The following UBR7 variants were observed in gnomAD, a reference collection of about 807,000 sequenced individuals.
UBR7 encodes the protein ubiquitin protein ligase E3 component n-recognin 7, also known as putative E3 ubiquitin-protein ligase UBR7.
In UBR7, 22 loss-of-function variants were observed where a neutral mutation model predicts 57.0. That is an observed-to-expected ratio of 0.39 (90% confidence interval 0.28 to 0.55). The LOEUF is 0.55. Among genes scored for constraint, UBR7 ranks in the 20% least tolerant of loss-of-function variants. The pLI is 0.69. For missense variants in UBR7, 395 were observed against 513.2 expected, an observed-to-expected ratio of 0.77 and a Z score of 2.23; for synonymous variants, 167 against 179.8, an observed-to-expected ratio of 0.93 and a Z score of 0.57.
At chr14:93,221,093 A>G (rs988104904) in intron 9 of UBR7, among the ~76,000 whole-genome samples, 2 of 148,210 alleles carry the variant, frequency 1.3e-5, no homozygotes, top group Non-Finnish European at 3.0e-5. Context: ...CCACAGACGC[A>G]TGCCACTGCG....
At chr14:93,223,835 G>A (rs1340248564) in intron 10 of UBR7, 2 of 749,426 alleles carry the variant, frequency 2.7e-6, no homozygotes, top group Non-Finnish European at 4.9e-6. Flanking sequence ...GCCCGCGGTG[G>A]TCAGGTCCCG....
chr14:93,213,318 T>TG (rs1894525509), intron 4 of UBR7, among the ~76,000 whole-genome samples: 1 of 151,934 alleles, frequency 6.6e-6, no homozygotes, highest in Non-Finnish European at 1.5e-5. Flanking sequence ...TTTTTTCATT[T>TG]TTTTTTTCAG....
In UBR7 at chr14:93,228,005, C is replaced by A. The variant is rs989991659; in HGVS notation, c.*970C>A. 2 of 698,762 alleles carry A rather than the reference C, an allele frequency of 2.9e-6. No homozygotes were observed. The highest frequency in any genetic ancestry group is 5.2e-6 in the Non-Finnish European group (2 of 384,198). The allele number at this position is 698,762 out of a possible 1,614,324, so 43.3% of individuals were successfully genotyped here. A position where few individuals can be genotyped will look rare whatever the true frequency, so the allele number is the denominator to read the frequency against. ...ACCCCAATAAATTATTATTTTTCCC[C>A]CTTGAATCTGCTAAAGAAAACAGAT... On this transcript the variant is annotated 3_prime_UTR_variant, in exon 11 of 11. Transcript: ENST00000013070.
intron 7 of UBR7, 57 bp downstream of exon 7, chr14:93,218,792 A>C: frequency 6.4e-7 from 1 of 1,564,548 alleles, no homozygotes; most frequent in Non-Finnish European, 8.7e-7. Context: ...GCGGTGGCTC[A>C]TGCCCATAAT....
At position 93,222,308 on chromosome 14, in the gene UBR7, T is replaced by C. The variant is rs1248307467; in HGVS notation, c.1124-5T>C. On this transcript the variant is annotated splice_region_variant and splice_polypyrimidine_tract_variant and intron_variant, in intron 9 of 10. Coordinates refer to ENST00000013070, the MANE Select transcript of UBR7 (RefSeq NM_175748.4). Reference sequence around the variant, plus strand: ...AACTTAAATACTTTTGTGGTTTTGATTTAGAATACAATGATTTGAAGACTG... The same window carrying C: ...AACTTAAATACTTTTGTGGTTTTGACTTAGAATACAATGATTTGAAGACTG... 1 of 1,600,794 alleles carries C rather than the reference T, an allele frequency of 6.2e-7. No individual in the cohort carries two copies. The highest frequency in any genetic ancestry group is 8.6e-7 in the Non-Finnish European group (1 of 1,167,890).
chr14:93,215,295 T>A lies in UBR7; in HGVS notation c.601+14T>A. 6.4e-7 allele frequency: 1 copy of A among 1,559,372 alleles called. No homozygotes were observed. Among genetic ancestry groups the A allele is most frequent in the Non-Finnish European group, 8.7e-7 (1 of 1,149,008 alleles). Reference sequence around the variant, plus strand: ...CACAATTGGCAGGTAGGTATCTTTGTGAAGTTGGTGTGCCACAAACTTGTG... The same window carrying A: ...CACAATTGGCAGGTAGGTATCTTTGAGAAGTTGGTGTGCCACAAACTTGTG... On this transcript the variant is annotated intron_variant, in intron 6 of 10. Coordinates refer to ENST00000013070, the MANE Select transcript of UBR7 (RefSeq NM_175748.4).
intron 2 of UBR7, 57 bp downstream of exon 2, chr14:93,210,014 T>C: frequency 6.3e-7 from 1 of 1,588,398 alleles, no homozygotes; most frequent in East Asian, 2.2e-5. Flanking sequence ...TTCTTTCCCA[T>C]CTACACTTTT....
chr14:93,215,070 A>G (rs1027053370), intron 5 of UBR7, 88 bp downstream of exon 5: 2 of 1,423,238 alleles, frequency 1.4e-6, no homozygotes, highest in African/African-American at 2.8e-5. Flanking sequence ...TTCTAAAAAT[A>G]AATTCTAATG....
Position 93,220,343 on chromosome 14 carries a change from A to G in UBR7, c.1055A>G (p.Asp352Gly). ...AAAGGGAAGATTGCCCAGGCCACTGACAGGAGCGATCCCCTAATGGATACC... is the reference window on the plus strand; with the variant it reads ...AAAGGGAAGATTGCCCAGGCCACTGGCAGGAGCGATCCCCTAATGGATACC... ...ENKGKIAQAT[D>G]RSDPLMDTLS... The change falls in exon 9 of 11, where the codon GAC (aspartate) becomes GGC (glycine). Residue 352 changes from aspartate (D) to glycine (G), a missense_variant. Coordinates refer to ENST00000013070, the MANE Select transcript of UBR7 (RefSeq NM_175748.4). The G allele has an allele frequency of 6.2e-7, 1 of 1,613,744 alleles. No homozygotes were observed. The highest frequency in any genetic ancestry group is 8.5e-7 in the Non-Finnish European group (1 of 1,179,950).
chr14:93,210,326 G>C (rs570426498), intron 2 of UBR7, among the ~76,000 whole-genome samples: 1 of 151,882 alleles, frequency 6.6e-6, no homozygotes, highest in African/African-American at 2.4e-5. Context: ...CTCGTGATCC[G>C]CCCGCCTCAG....
chr14:93,208,982 G>A lies in UBR7; in HGVS notation c.151-842G>A, dbSNP rs114069041. 9.0e-3 allele frequency among the ~76,000 whole-genome samples: 1,365 copies of A among 152,118 alleles called. 22 individuals carry two copies. The highest frequency in any genetic ancestry group is 0.031 in the African/African-American group (1,294 of 41,486). Reference sequence around the variant, plus strand: ...CCAGCTAATTTTTGTATTTTTAGTGGATGGGGTGTTCTAGAGATGAGGTTT... The same window carrying A: ...CCAGCTAATTTTTGTATTTTTAGTGAATGGGGTGTTCTAGAGATGAGGTTT... On this transcript the variant is annotated intron_variant, in intron 1 of 10. Coordinates refer to ENST00000013070, the MANE Select transcript of UBR7 (RefSeq NM_175748.4).
At chr14:93,224,372 C>CTTTTTTTTTTTTTTTTTT (rs761189322) in intron 10 of UBR7, among the ~76,000 whole-genome samples, 1 of 93,792 alleles carries the variant, frequency 1.1e-5, no homozygotes, top group African/African-American at 5.1e-5. Flanking sequence ...CCTTACAGTT[C>CTTTTTTTTTTTTTTTTTT]TTTTTTTTTT....
chr14:93,228,104 C>T lies in UBR7; in HGVS notation c.*1069C>T. On this transcript the variant is annotated 3_prime_UTR_variant, in exon 11 of 11. Coordinates refer to ENST00000013070, the MANE Select transcript of UBR7 (RefSeq NM_175748.4). ...AAGAGACAGACTGTGGAAGAGATTA[C>T]AAACAAGGCCCGAGGCTGCACGAAT... 2.9e-6 allele frequency: 2 copies of T among 678,618 alleles called. No individual in the cohort carries two copies. Among genetic ancestry groups the T allele is most frequent in the Non-Finnish European group, 5.4e-6 (2 of 371,394 alleles). 42.0% of individuals were successfully genotyped at this position (678,618 alleles called of 1,614,324 possible).
chr14:93,219,371 C>G lies in UBR7; in HGVS notation c.960+10C>G. On this transcript the variant is annotated intron_variant, in intron 8 of 10. Transcript: ENST00000013070. ...CTGCCAAGACTGTATGGTAAAGTATCTGATTGTGCTCAGTGTTAGCATGTT... is the reference window on the plus strand; with the variant it reads ...CTGCCAAGACTGTATGGTAAAGTATGTGATTGTGCTCAGTGTTAGCATGTT... 6.2e-7 allele frequency: 1 copy of G among 1,614,176 alleles called. No homozygotes were observed. The highest frequency in any genetic ancestry group is 1.7e-5 in the Admixed American group (1 of 60,014).
chr14:93,218,797 C>T (rs550974831), intron 7 of UBR7, 62 bp downstream of exon 7: 13 of 1,548,114 alleles, frequency 8.4e-6, no homozygotes, highest in Middle Eastern at 1.8e-4. Context: ...GGCTCATGCC[C>T]ATAATCCCAG....
chr14:93,227,074 T>C lies in UBR7; in HGVS notation c.*39T>C. On this transcript the variant is annotated 3_prime_UTR_variant, in exon 11 of 11. Coordinates refer to ENST00000013070, the MANE Select transcript of UBR7 (RefSeq NM_175748.4). ...GCTTTCTCATTCAAGCCAATGAAAA[T>C]GCGCTTCCCATTCTTGGAATAAAAG... 6.7e-7 allele frequency: 1 copy of C among 1,498,984 alleles called. No homozygotes were observed. The highest frequency in any genetic ancestry group is 9.3e-7 in the Non-Finnish European group (1 of 1,079,436). 92.9% of individuals were successfully genotyped at this position (1,498,984 alleles called of 1,614,324 possible). A position where few individuals can be genotyped will look rare whatever the true frequency, so the allele number is the denominator to read the frequency against.
At chr14:93,211,834 A>C (rs931304093) in intron 3 of UBR7, among the ~76,000 whole-genome samples, 198 bp from the exon 4 acceptor site, 40 of 152,228 alleles carry the variant, frequency 2.6e-4, no homozygotes, top group African/African-American at 9.6e-4. Flanking sequence ...AAAAACAAAA[A>C]AAAATTATTT....
At position 93,215,159 on chromosome 14, in the gene UBR7, G is replaced by T; in HGVS notation, c.496-17G>T. The T allele has an allele frequency of 6.4e-7, 1 of 1,557,374 alleles. No individual in the cohort carries two copies. The highest frequency in any genetic ancestry group is 8.7e-7 in the Non-Finnish European group (1 of 1,148,830). ...TTTGGCAATCACAAGAAAATTTTTGGTGTTCTATATTCACAGCATCTTGGT... is the reference window on the plus strand; with the variant it reads ...TTTGGCAATCACAAGAAAATTTTTGTTGTTCTATATTCACAGCATCTTGGT... On this transcript the variant is annotated splice_polypyrimidine_tract_variant and intron_variant, in intron 5 of 10. Coordinates refer to ENST00000013070, the MANE Select transcript of UBR7 (RefSeq NM_175748.4).
rs753448449 is a variant in UBR7 at position 93,222,286 on chromosome 14, T to G, written c.1124-27T>G. On this transcript the variant is annotated intron_variant, in intron 9 of 10. Transcript: ENST00000013070. The stretch of plus-strand genomic sequence containing the variant: ...TTGAAAGCAAATGGTTTATCTAAAC[T>G]TAAATACTTTTGTGGTTTTGATTTA... 8 of 1,528,106 alleles carry G rather than the reference T, an allele frequency of 5.2e-6. 1 individual carries two copies. In the South Asian group the frequency reaches 9.0e-5, roughly 17 times the overall value. The allele number at this position is 1,528,106 out of a possible 1,614,324, so 94.7% of individuals were successfully genotyped here.
Sources: allele counts gnomAD v4.1 joint callset (sites outside exome capture counted in the v4.1 genomes callset), GRCh38; gene constraint gnomAD v4.1.1; transcripts MANE v1.5; gene names NCBI Gene and HGNC (gene_info 2026-07-23, HGNC 2026-07-21).